Variants in HDAC4 observed in about 807,000 individuals in gnomAD.
HDAC4 encodes the protein histone deacetylase 4.
Under a neutral mutation model 135.1 loss-of-function variants are expected in HDAC4, and 16 were observed. The observed-to-expected ratio is 0.12, with a 90% confidence interval of 0.08 to 0.18. HDAC4 has a LOEUF of 0.18. Ranked by LOEUF, HDAC4 falls within the 10% of genes least tolerant of loss-of-function variation. The pLI, the probability that HDAC4 is intolerant of heterozygous loss-of-function variation, is 1.00. For synonymous variants in HDAC4, 685 were observed against 653.4 expected, an observed-to-expected ratio of 1.05 and a Z score of -0.74; for missense variants, 1,143 against 1,511.8, an observed-to-expected ratio of 0.76 and a Z score of 4.05.
chr2:239,391,349 C>T (rs1009969187), intron 1 of HDAC4, among the ~76,000 whole-genome samples: 3 of 152,274 alleles, frequency 2.0e-5, no homozygotes, highest in African/African-American at 2.4e-5. Context: ...TAAGGTCCTT[C>T]GGGGAGACGT....
rs1575079772 is a variant in HDAC4, at chr2:239,115,394, A to C, written c.1534-84T>G. On this transcript the variant is annotated intron_variant, in intron 12 of 26. Transcript: ENST00000543185. The surrounding 1 kb of genome is among the most constrained non-coding windows in gnomAD (Gnocchi z 6.3). Reference sequence around the variant, plus strand: ...CAGGAGAAGGGATGCTGCAAACCCCACCCTCTGGGGCAGACAATCAGGGAC... The same window carrying C: ...CAGGAGAAGGGATGCTGCAAACCCCCCCCTCTGGGGCAGACAATCAGGGAC... The C allele has an allele frequency of 1.3e-6, 2 of 1,552,222 alleles. No homozygotes were observed. The highest frequency in any genetic ancestry group is 2.3e-5 in the East Asian group (1 of 44,132).
chr2:239,352,209 C>A lies in HDAC4; in HGVS notation c.22+469G>T, dbSNP rs1559379643. Among the ~76,000 whole-genome samples the A allele has an allele frequency of 6.6e-6, 1 of 152,162 alleles. No homozygotes were observed. The highest frequency in any genetic ancestry group is 3.2e-3 in the Middle Eastern group (1 of 316). ...GTAAAATGCTTAGTGCAGCCCCTCA[C>A]AGAGGCCCTCAAACACCAGGAGCAA... On this transcript the variant is annotated intron_variant, in intron 2 of 26. Transcript: ENST00000543185. The surrounding 1 kb of genome is among the most constrained non-coding windows in gnomAD (Gnocchi z 4.4).
chr2:239,175,111 C>T (rs2043674456), intron 5 of HDAC4, among the ~76,000 whole-genome samples: 1 of 152,158 alleles, frequency 6.6e-6, no homozygotes, highest in African/African-American at 2.4e-5. Context: ...TCAGTATTAC[C>T]AGGGAACAGA....
intron 8 of HDAC4, among the ~76,000 whole-genome samples, chr2:239,142,738 G>A (rs1159339600): frequency 1.3e-5 from 2 of 151,160 alleles, no homozygotes; most frequent in Middle Eastern, 3.6e-3. Flanking sequence ...CACTGATCAA[G>A]CCCTGTCACA....
chr2:239,294,233 A>G (rs886987028), intron 2 of HDAC4, among the ~76,000 whole-genome samples: 2 of 152,110 alleles, frequency 1.3e-5, no homozygotes, highest in African/African-American at 4.8e-5. Context: ...AAGGACCGCA[A>G]TCACCAGGCA....
intron 1 of HDAC4, among the ~76,000 whole-genome samples, chr2:239,375,365 G>C (rs1694933028): frequency 1.7e-5 from 2 of 120,292 alleles, no homozygotes; most frequent in African/African-American, 6.3e-5. Context: ...ACACCTGCCA[G>C]GCCACGGACC....
At position 239,270,137 on chromosome 2, in the gene HDAC4, C is replaced by G. The variant is rs113475525; in HGVS notation, c.23-33473G>C. Among the ~76,000 whole-genome samples the G allele has an allele frequency of 1.5e-3, 223 of 152,344 alleles. 1 individual carries two copies. The highest frequency in any genetic ancestry group is 5.2e-3 in the African/African-American group (217 of 41,576). Reference sequence around the variant, plus strand: ...AGGAGCCTGATGACTCCCACGGCAGCAGGTAAGGACCCAGAGTCCTGGAGG... The same window carrying G: ...AGGAGCCTGATGACTCCCACGGCAGGAGGTAAGGACCCAGAGTCCTGGAGG... On this transcript the variant is annotated intron_variant, in intron 2 of 26. Transcript: ENST00000543185.
At chr2:239,257,543 G>A (rs562321372) in intron 2 of HDAC4, among the ~76,000 whole-genome samples, 5 of 152,296 alleles carry the variant, frequency 3.3e-5, no homozygotes, top group African/African-American at 1.2e-4. Flanking sequence ...AGGCAGGAGA[G>A]AAGGAGGGAA....
At chr2:239,116,600 T>A (rs1559459089) in intron 12 of HDAC4, among the ~76,000 whole-genome samples, 1 of 152,202 alleles carries the variant, frequency 6.6e-6, no homozygotes, top group Non-Finnish European at 1.5e-5. Context: ...TTTGCAATCT[T>A]CTTCATGTAG....
intron 3 of HDAC4, among the ~76,000 whole-genome samples, chr2:239,230,891 C>A (rs2047513594): frequency 6.6e-6 from 1 of 152,188 alleles, no homozygotes. Context: ...ACAACCGCCA[C>A]AAAACACATC....
rs146048634 is a variant in HDAC4, at chr2:239,158,834, G to A, written c.612-2061C>T. ...GCCAGACCGCACACGCGTGCCCTCC[G>A]CGAAGAAGCGTCCAGCAGGGCGAGC... On this transcript the variant is annotated intron_variant, in intron 6 of 26. Transcript: ENST00000543185. Among the ~76,000 whole-genome samples the A allele has an allele frequency of 4.7e-3, 713 of 152,156 alleles. 3 individuals are homozygous for A. Among genetic ancestry groups the A allele is most frequent in the Non-Finnish European group, 8.0e-3 (544 of 67,960 alleles).
At chr2:239,327,437 C>T (rs1474873913) in intron 2 of HDAC4, among the ~76,000 whole-genome samples, 1 of 152,254 alleles carries the variant, frequency 6.6e-6, no homozygotes, top group African/African-American at 2.4e-5. Flanking sequence ...GAGTGAAACT[C>T]AGCTGTTCTG....
At chr2:239,134,055 C>A (rs886316689) in intron 11 of HDAC4, among the ~76,000 whole-genome samples, 190 bp downstream of exon 11, 4 of 152,110 alleles carry the variant, frequency 2.6e-5, no homozygotes, top group African/African-American at 9.7e-5. Flanking sequence ...CTACCTGACT[C>A]TGGGAGTGAG....
At chr2:239,084,755 GACAC>G (rs947173545) in intron 19 of HDAC4, among the ~76,000 whole-genome samples, 1 of 110,026 alleles carries the variant, frequency 9.1e-6, no homozygotes, top group African/African-American at 3.6e-5. Flanking sequence ...ATACACCACA[GACAC>G]ACACCCCACA....
rs1306546829 is a variant in HDAC4, at chr2:239,075,002, T to A, written c.2750+6093A>T. Among the ~76,000 whole-genome samples, 10 of 152,074 alleles carry A rather than the reference T, an allele frequency of 6.6e-5. No homozygotes were observed. The East Asian group carries it at 1.9e-3, about 29-fold the overall frequency. On this transcript the variant is annotated intron_variant, in intron 22 of 26. Transcript: ENST00000543185. Reference sequence around the variant, plus strand: ...ACTTTGGGAGGCCGAGGCAGGCGGATCATGAGGTCAGGAGATCGAGACCAT... The same window carrying A: ...ACTTTGGGAGGCCGAGGCAGGCGGAACATGAGGTCAGGAGATCGAGACCAT...
chr2:239,073,941 C>G (rs1200689935), intron 22 of HDAC4, among the ~76,000 whole-genome samples: 1 of 148,998 alleles, frequency 6.7e-6, no homozygotes, highest in Non-Finnish European at 1.5e-5. Flanking sequence ...ATGGCTCTGA[C>G]CAACCTAATG....
intron 24 of HDAC4, among the ~76,000 whole-genome samples, chr2:239,063,692 C>G (rs369658257): frequency 1.3e-5 from 2 of 152,206 alleles, no homozygotes; most frequent in Admixed American, 6.5e-5. Flanking sequence ...CAGCCTCCCC[C>G]ACACCTGCGA....
At chr2:239,151,601 C>T (rs1373538087) in intron 7 of HDAC4, among the ~76,000 whole-genome samples, 1 of 152,168 alleles carries the variant, frequency 6.6e-6, no homozygotes, top group African/African-American at 2.4e-5. Context: ...GACTGACTGC[C>T]CAGATCCATG....
chr2:239,090,997 G>C (rs2036457650), intron 17 of HDAC4: 1 of 152,262 alleles, frequency 6.6e-6, no homozygotes, highest in Admixed American at 6.5e-5. Flanking sequence ...GGTGAGGAGA[G>C]CTGCCCTGCT....
Sources: gnomAD v4.1 joint callset for allele counts (sites outside exome capture counted in the v4.1 genomes callset) on GRCh38, gnomAD v4.1.1 for gene constraint, Gnocchi (gnomAD v3.1) non-coding constraint, MANE v1.5 for transcripts, NCBI Gene and HGNC (gene_info 2026-07-23, HGNC 2026-07-21) for gene names.